Variants in ASPSCR1 observed in about 807,000 individuals in gnomAD.
ASPSCR1 encodes ASPSCR1 tether for SLC2A4, UBX domain containing, also known as tether containing UBX domain for GLUT4.
ASPSCR1 carries 55 observed loss-of-function variants against 68.9 expected under a neutral mutation model. The observed-to-expected ratio is 0.80, with a 90% confidence interval of 0.64 to 1.00. ASPSCR1 has a LOEUF of 1.00. Ranked by LOEUF, ASPSCR1 falls within the 50% of genes least tolerant of loss-of-function variation. The pLI, the probability that ASPSCR1 is intolerant of heterozygous loss-of-function variation, is 0.00. For missense variants in ASPSCR1, 765 were observed against 762.2 expected (o/e 1.00, Z -0.04); for synonymous variants, 352 against 332.6 (o/e 1.06, Z -0.63).
At chr17:81,982,421 T>A (rs747833748) in intron 2 of ASPSCR1, among the ~76,000 whole-genome samples, 3 of 152,246 alleles carry the variant, frequency 2.0e-5, no homozygotes, top group Non-Finnish European at 2.9e-5. Flanking sequence ...GCTTACAAAG[T>A]GCAGCCGGTG....
At chr17:81,984,429 T>C (rs1030215813) in intron 3 of ASPSCR1, among the ~76,000 whole-genome samples, 3 of 151,920 alleles carry the variant, frequency 2.0e-5, no homozygotes, top group African/African-American at 7.2e-5. Flanking sequence ...ATACAAAAAT[T>C]AGCCGTGGGT....
rs1317039669 is a variant in ASPSCR1 at position 81,983,588 on chromosome 17, T to C, written c.193T>C (p.Trp65Arg). Residue 65 changes from tryptophan to arginine, a missense_variant, in exon 3 of 16, where the codon TGG (tryptophan) becomes CGG (arginine). By Grantham distance (101) the Trp-to-Arg change is moderately radical. Coordinates refer to ENST00000306739, the MANE Select transcript of ASPSCR1 (RefSeq NM_024083.4). The surrounding 1 kb of genome is among the most constrained non-coding windows in gnomAD (Gnocchi z 4.4). ...GAGCGTGCTCGACCTTTCTCTCCAG[T>C]GGAGATTTGCCAACCTGCCCAACAA... The part of the protein sequence containing the change: ...QRSVLDLSLQ[W>R]RFANLPNNAK... 4.3e-6 allele frequency: 7 copies of C among 1,613,142 alleles called. No individual in the cohort carries two copies. Among genetic ancestry groups the C allele is most frequent in the Non-Finnish European group, 4.2e-6 (5 of 1,179,762 alleles).
intron 4 of ASPSCR1, among the ~76,000 whole-genome samples, chr17:81,992,821 C>T (rs1374069346): frequency 6.6e-6 from 1 of 152,356 alleles, no homozygotes; most frequent in Non-Finnish European, 1.5e-5. Context: ...GGGACGGGAG[C>T]TTAGGGAGTG....
intron 4 of ASPSCR1, among the ~76,000 whole-genome samples, 177 bp from the exon 5 acceptor site, chr17:81,994,644 T>C (rs2042277005): frequency 1.3e-5 from 2 of 152,106 alleles, no homozygotes; most frequent in South Asian, 4.1e-4. Flanking sequence ...CTTTTGGTGG[T>C]TGTGGGGCGC....
intron 12 of ASPSCR1, 60 bp from the exon 13 acceptor site, chr17:82,016,416 T>A (rs1314623957): frequency 2.7e-6 from 4 of 1,481,666 alleles, no homozygotes; most frequent in Non-Finnish European, 3.6e-6. Flanking sequence ...TGTAGCTGCC[T>A]TCACAGCAGG....
In ASPSCR1 at chr17:82,009,023, C is replaced by T. The variant is rs1294199546; in HGVS notation, c.934-14C>T. On this transcript the variant is annotated splice_polypyrimidine_tract_variant and intron_variant, in intron 7 of 15. Coordinates refer to ENST00000306739, the MANE Select transcript of ASPSCR1 (RefSeq NM_024083.4). ...CCCGTGACACCCGCCGTCAGCCGCG[C>T]CCTCTGCCTCCAGCCCGTGGACCGG... 2 of 1,512,628 alleles carry T rather than the reference C, an allele frequency of 1.3e-6. No individual in the cohort carries two copies. The highest frequency in any genetic ancestry group is 2.5e-5 in the East Asian group (1 of 39,890). 93.7% of individuals were successfully genotyped at this position (1,512,628 alleles called of 1,614,324 possible).
intron 1 of ASPSCR1, chr17:81,978,936 G>A (rs2041706065): frequency 3.5e-6 from 2 of 576,540 alleles, no homozygotes; most frequent in South Asian, 2.0e-5. Context: ...GTACTGCAGG[G>A]GAACTCTGAG....
intron 7 of ASPSCR1, among the ~76,000 whole-genome samples, chr17:82,000,618 CTG>C (rs1555635069): frequency 6.6e-6 from 1 of 152,172 alleles, no homozygotes; most frequent in Non-Finnish European, 1.5e-5. Context: ...AATGTTTTGC[CTG>C]TGTGTGGTTT....
Position 82,016,839 on chromosome 17 carries a change from C to A in ASPSCR1, c.1445C>A (p.Ser482Tyr). ...CCTGGCCTGCTGGAGCATGCCATCT[C>A]CCCATCTGCGGCCGATGTGCTGGTG... ...LEPGLLEHAI[S>Y]PSAADVLVAR... Residue 482 changes from serine to tyrosine, a missense_variant, in exon 14 of 16, where the codon TCC becomes TAC. By Grantham distance (144) the Ser-to-Tyr change is moderately radical. Transcript: ENST00000306739. The A allele has an allele frequency of 6.2e-7, 1 of 1,611,940 alleles. No homozygotes were observed. The highest frequency in any genetic ancestry group is 8.5e-7 in the Non-Finnish European group (1 of 1,179,960).
chr17:82,016,748 G>A, intron 13 of ASPSCR1, 52 bp from the exon 14 acceptor site: 1 of 1,576,744 alleles, frequency 6.3e-7, no homozygotes, highest in Admixed American at 1.8e-5. Context: ...CTGGGTGGAT[G>A]GTGAGTGGAC....
At chr17:82,010,901 G>A (rs1290540115) in intron 10 of ASPSCR1, 33 bp downstream of exon 10, 3 of 1,604,954 alleles carry the variant, frequency 1.9e-6, no homozygotes, top group South Asian at 1.1e-5. Context: ...CGGGGATGGG[G>A]GGCAGGGGCC....
chr17:82,016,345 C>A, intron 12 of ASPSCR1, 131 bp from the exon 13 acceptor site: 3 of 803,748 alleles, frequency 3.7e-6, no homozygotes, highest in Non-Finnish European at 5.8e-6. Context: ...GGGCGATGGG[C>A]TCATGGGGGC....
At chr17:81,997,952 A>G (rs1348178354) in intron 7 of ASPSCR1, among the ~76,000 whole-genome samples, 1 of 147,694 alleles carries the variant, frequency 6.8e-6, no homozygotes, top group Non-Finnish European at 1.5e-5. Context: ...TCAGCCTCCC[A>G]AGTAGCTGGG....
chr17:81,994,755 C>G, intron 4 of ASPSCR1, 66 bp from the exon 5 acceptor site: 2 of 1,530,368 alleles, frequency 1.3e-6, no homozygotes, highest in Non-Finnish European at 9.0e-7. Context: ...TCTCCTGCCC[C>G]AGGGCCTCCG....
rs766689980 is a variant in ASPSCR1 at position 81,990,835 on chromosome 17, G to A, written c.375-3986G>A. On this transcript the variant is annotated intron_variant, in intron 4 of 15. Coordinates refer to ENST00000306739, the MANE Select transcript of ASPSCR1 (RefSeq NM_024083.4). The surrounding 1 kb of genome is among the most constrained non-coding windows in gnomAD (Gnocchi z 4.1). Reference sequence around the variant, plus strand: ...TCCTATGAGGAGTTTCTCTCCATGGGTTTAGAGCCAGCAGGCACTAGCCCC... The same window carrying A: ...TCCTATGAGGAGTTTCTCTCCATGGATTTAGAGCCAGCAGGCACTAGCCCC... Among the ~76,000 whole-genome samples the A allele has an allele frequency of 5.3e-5, 8 of 152,152 alleles. No individual in the cohort carries two copies. Among genetic ancestry groups the A allele is most frequent in the Non-Finnish European group, 8.8e-5 (6 of 68,016 alleles).
rs902398898 is a variant in ASPSCR1 at position 81,983,137 on chromosome 17, G to A, written c.159-417G>A. The stretch of plus-strand genomic sequence containing the variant: ...TGGGATTACAGGCGTGAGCCACTGC[G>A]CCCGGGCAGTCAGGTTTTCTGTGGT... On this transcript the variant is annotated intron_variant, in intron 2 of 15. Coordinates refer to ENST00000306739, the MANE Select transcript of ASPSCR1 (RefSeq NM_024083.4). This position sits in a 1 kb window ranked among gnomAD's most constrained non-coding sequence, Gnocchi z 4.4. 6.6e-6 allele frequency among the ~76,000 whole-genome samples: 1 copy of A among 152,204 alleles called. No homozygotes were observed. The highest frequency in any genetic ancestry group is 2.4e-5 in the African/African-American group (1 of 41,454).
At chr17:81,997,105 C>CGCTCTGGGATGAGGCCGTGTGG (rs2042372969) in intron 7 of ASPSCR1, among the ~76,000 whole-genome samples, 4 of 144,178 alleles carry the variant, frequency 2.8e-5, no homozygotes, top group Non-Finnish European at 4.6e-5. Flanking sequence ...AGGCCGTGTC[C>CGCTCTGGGATGAGGCCGTGTGG]GCTCCGGGAT....
intron 4 of ASPSCR1, among the ~76,000 whole-genome samples, chr17:81,994,475 C>T (rs770412362): frequency 1.3e-5 from 2 of 152,190 alleles, no homozygotes; most frequent in Non-Finnish European, 2.9e-5. Flanking sequence ...AGCCGCATTC[C>T]GGAGCCAGTG....
At chr17:82,015,336 A>G in intron 12 of ASPSCR1, 1 of 1,598,034 alleles carries the variant, frequency 6.3e-7, no homozygotes, top group Non-Finnish European at 8.5e-7. Context: ...GGCTGGGCAC[A>G]AGCACGTGGG....
Sources: gnomAD v4.1 joint callset for allele counts (sites outside exome capture counted in the v4.1 genomes callset) on GRCh38, gnomAD v4.1.1 for gene constraint, Gnocchi (gnomAD v3.1) non-coding constraint, MANE v1.5 for transcripts, NCBI Gene and HGNC (gene_info 2026-07-23, HGNC 2026-07-21) for gene names.